Variants in ADGRV1 observed in about 807,000 individuals in gnomAD.
ADGRV1 encodes the protein G-protein coupled receptor 98.
In ADGRV1, 359 loss-of-function variants were observed where a neutral mutation model predicts 596.2. The ratio of observed to expected loss-of-function variants is 0.60; its 90% confidence interval spans 0.55 to 0.66. ADGRV1 has a LOEUF of 0.66. Ranked by LOEUF, ADGRV1 falls within the 30% of genes least tolerant of loss-of-function variation. The pLI, the probability that ADGRV1 is intolerant of heterozygous loss-of-function variation, is 0.00. For synonymous variants in ADGRV1, 2,681 were observed against 2,679.2 expected (o/e 1.00, Z -0.02); for missense variants, 7,274 against 7,575.6 (o/e 0.96, Z 1.48).
chr5:90,958,283 CA>C (rs34676985), intron 83 of ADGRV1, among the ~76,000 whole-genome samples: 16,289 of 72,886 alleles, frequency 0.22, 585 homozygotes, highest in Non-Finnish European at 0.29. Flanking sequence ...GACCTTGTCT[CA>C]AAAAAAAAAA....
At chr5:91,017,814 C>T (rs966243901) in intron 85 of ADGRV1, among the ~76,000 whole-genome samples, 2 of 151,906 alleles carry the variant, frequency 1.3e-5, no homozygotes, top group East Asian at 3.9e-4. Context: ...CTAGTGTGGG[C>T]CCTGGGTGTC....
At chr5:90,763,039 A>C (rs1756674540) in intron 58 of ADGRV1, 1 of 329,940 alleles carries the variant, frequency 3.0e-6, no homozygotes, top group Non-Finnish European at 5.6e-6. Context: ...TAGCAGCATA[A>C]ATCATTTCTG....
At chr5:90,871,117 A>G (rs1167797845) in intron 83 of ADGRV1, among the ~76,000 whole-genome samples, 2 of 152,164 alleles carry the variant, frequency 1.3e-5, no homozygotes, top group African/African-American at 4.8e-5. Context: ...AAACAAATTT[A>G]TAATTAGCAA....
At chr5:91,090,724 G>A (rs1347927870) in intron 86 of ADGRV1, among the ~76,000 whole-genome samples, 1 of 151,852 alleles carries the variant, frequency 6.6e-6, no homozygotes, top group Non-Finnish European at 1.5e-5. Flanking sequence ...GGTAGTCGGT[G>A]GAAGCCTCCA....
At chr5:91,069,259 A>G (rs771480346) in intron 85 of ADGRV1, among the ~76,000 whole-genome samples, 1 of 152,170 alleles carries the variant, frequency 6.6e-6, no homozygotes, top group Non-Finnish European at 1.5e-5. Context: ...TTTCATAACT[A>G]TGACCCCAAA....
At chr5:90,795,192 G>A (rs1369812803) in intron 70 of ADGRV1, among the ~76,000 whole-genome samples, 5 of 148,952 alleles carry the variant, frequency 3.4e-5, no homozygotes, top group Admixed American at 6.7e-5. Flanking sequence ...GGGAAGCCAA[G>A]TGGTCTTGCT....
chr5:90,858,863 C>G (rs925377285), intron 82 of ADGRV1, among the ~76,000 whole-genome samples: 5 of 152,292 alleles, frequency 3.3e-5, no homozygotes, highest in African/African-American at 1.2e-4. Context: ...CTCTAAGCAT[C>G]ACACTAGCAA....
At chr5:90,635,902 CTTTT>C in intron 10 of ADGRV1, among the ~76,000 whole-genome samples, 1 of 141,796 alleles carries the variant, frequency 7.1e-6, no homozygotes, top group East Asian at 2.1e-4. Context: ...GCCTATAAAC[CTTTT>C]TTTTTTTTTT....
At position 90,820,104 on chromosome 5, in the gene ADGRV1, G is replaced by A. The variant is rs868247089; in HGVS notation, c.16197-3321G>A. Among the ~76,000 whole-genome samples, 273 of 151,664 alleles carry A rather than the reference G, an allele frequency of 1.8e-3. 1 individual carries two copies. The highest frequency in any genetic ancestry group is 5.9e-3 in the African/African-American group (244 of 41,170). ...GCTTTTTGAATCTGGGTGCTCCTGT[G>A]TTGGGTGCATATATATTTAGGATAG... On this transcript the variant is annotated intron_variant, in intron 75 of 89. Transcript: ENST00000405460.
rs142076099 is a variant in ADGRV1, at chr5:91,096,348, T to G, written c.18311-5871T>G. On this transcript the variant is annotated intron_variant, in intron 86 of 89. Coordinates refer to ENST00000405460, the MANE Select transcript of ADGRV1 (RefSeq NM_032119.4). ...CCATACTTTCTTTAAAAATGGCAGT[T>G]AAATTCGTGGAAATAATATTTTTCA... is the stretch of plus-strand genomic sequence containing the variant. 2.6e-4 allele frequency among the ~76,000 whole-genome samples: 40 copies of G among 152,324 alleles called. 1 individual carries two copies. Among genetic ancestry groups the G allele is most frequent in the African/African-American group, 9.6e-4 (40 of 41,578 alleles).
chr5:91,000,130 G>A (rs1420955474), intron 85 of ADGRV1, among the ~76,000 whole-genome samples: 1 of 151,928 alleles, frequency 6.6e-6, no homozygotes, highest in Non-Finnish European at 1.5e-5. Flanking sequence ...TTCTGTTTAT[G>A]TCTAGATTTA....
At chr5:91,098,411 A>G (rs1404647187) in intron 86 of ADGRV1, among the ~76,000 whole-genome samples, 1 of 152,080 alleles carries the variant, frequency 6.6e-6, no homozygotes, top group East Asian at 1.9e-4. Flanking sequence ...AGGTCCTTTC[A>G]CCAGCCTTGG....
chr5:90,641,002 G>T (rs1561438363), intron 11 of ADGRV1: 1 of 152,598 alleles, frequency 6.6e-6, no homozygotes, highest in Non-Finnish European at 1.5e-5. Context: ...GGCCATGCAT[G>T]CTTTGTGTGC....
intron 71 of ADGRV1, 47 bp downstream of exon 71, chr5:90,802,929 G>C: frequency 6.7e-7 from 1 of 1,491,272 alleles, no homozygotes; most frequent in Non-Finnish European, 9.0e-7. Context: ...CTAGAGGGCA[G>C]CTTTTACAGG....
At chr5:90,869,503 T>C (rs1179094661) in intron 83 of ADGRV1, among the ~76,000 whole-genome samples, 4 of 152,030 alleles carry the variant, frequency 2.6e-5, no homozygotes, top group Non-Finnish European at 4.4e-5. Flanking sequence ...CTAAAGAAGG[T>C]AAGAGACTCT....
intron 1 of ADGRV1, among the ~76,000 whole-genome samples, chr5:90,574,208 G>A (rs1756915494): frequency 6.6e-6 from 1 of 151,774 alleles, no homozygotes; most frequent in African/African-American, 2.4e-5. Context: ...GATGTTGGTA[G>A]TTTGATAGGA....
chr5:90,847,228 A>C (rs1765977538), intron 78 of ADGRV1, among the ~76,000 whole-genome samples: 1 of 150,058 alleles, frequency 6.7e-6, no homozygotes, highest in Non-Finnish European at 1.5e-5. Flanking sequence ...TGATTGGTGT[A>C]TTTACAATCC....
At chr5:91,000,953 G>A (rs1228239626) in intron 85 of ADGRV1, among the ~76,000 whole-genome samples, 1 of 152,086 alleles carries the variant, frequency 6.6e-6, no homozygotes, top group Non-Finnish European at 1.5e-5. Context: ...ACCCACAGTA[G>A]GGAGAGCAAT....
At chr5:90,765,770 T>A (rs1401463471) in intron 59 of ADGRV1, among the ~76,000 whole-genome samples, 1 of 152,034 alleles carries the variant, frequency 6.6e-6, no homozygotes, top group Non-Finnish European at 1.5e-5. Flanking sequence ...AGTGATGCGA[T>A]CATAGCTCAC....
Sources: allele counts gnomAD v4.1 joint callset (sites outside exome capture counted in the v4.1 genomes callset), GRCh38; gene constraint gnomAD v4.1.1; transcripts MANE v1.5; gene names NCBI Gene and HGNC (gene_info 2026-07-23, HGNC 2026-07-21).